PITPNB: variants seen among roughly 807,000 people sequenced by gnomAD.
PITPNB encodes the protein phosphatidylinositol transfer protein beta isoform.
In PITPNB, 16 loss-of-function variants were observed where a neutral mutation model predicts 45.9. The ratio of observed to expected loss-of-function variants is 0.35; its 90% CI spans 0.24 to 0.53. The LOEUF (loss-of-function observed/expected upper bound fraction) is 0.53. PITPNB is among the 20% of genes least tolerant of loss of function. The pLI, the probability that PITPNB is intolerant of heterozygous loss-of-function variation, is 0.93. For missense variants in PITPNB, 188 were observed against 330.5 expected (o/e 0.57, Z 3.34); for synonymous variants, 112 against 108.9 (o/e 1.03, Z -0.18).
chr22:27,902,921 A>G (rs1038640167), intron 3 of PITPNB, among the ~76,000 whole-genome samples: 3 of 152,114 alleles, frequency 2.0e-5, no homozygotes, highest in Non-Finnish European at 4.4e-5. Flanking sequence ...GGGTCGCAGT[A>G]TGTTTTGCTA....
intron 1 of PITPNB, among the ~76,000 whole-genome samples, chr22:27,918,164 TGAGACAGG>T (rs1322532161): frequency 2.0e-5 from 3 of 152,170 alleles, no homozygotes; most frequent in Non-Finnish European, 4.4e-5. Flanking sequence ...TTATTCTGGG[TGAGACAGG>T]GAGTCTTTGG....
intron 8 of PITPNB, among the ~76,000 whole-genome samples, chr22:27,869,594 G>A (rs1420857652): frequency 6.6e-6 from 1 of 151,944 alleles, no homozygotes; most frequent in Non-Finnish European, 1.5e-5. Context: ...CAGAATGAGG[G>A]GAACACATTC....
At chr22:27,905,078 T>A (rs1935717439) in intron 3 of PITPNB, among the ~76,000 whole-genome samples, 1 of 152,218 alleles carries the variant, frequency 6.6e-6, no homozygotes, top group Non-Finnish European at 1.5e-5. Flanking sequence ...TAATGACAAA[T>A]AACATGTGTC....
At chr22:27,882,246 A>T (rs918729478) in intron 7 of PITPNB, among the ~76,000 whole-genome samples, 2 of 152,192 alleles carry the variant, frequency 1.3e-5, no homozygotes, top group Non-Finnish European at 2.9e-5. Flanking sequence ...CCTTTTTTTT[A>T]AACAATATAC....
At chr22:27,913,151 TCAAA>T (rs1225500009) in intron 2 of PITPNB, among the ~76,000 whole-genome samples, 4 of 152,172 alleles carry the variant, frequency 2.6e-5, no homozygotes, top group Non-Finnish European at 5.9e-5. Context: ...ACATTCAACT[TCAAA>T]CAATCAATTG....
chr22:27,895,138 T>C (rs1935397800), intron 6 of PITPNB, among the ~76,000 whole-genome samples: 2 of 152,226 alleles, frequency 1.3e-5, no homozygotes, highest in South Asian at 4.1e-4. Flanking sequence ...TGATCAATCA[T>C]TTATTTCTGA....
intron 8 of PITPNB, 29 bp from the exon 9 acceptor site, chr22:27,860,270 T>C (rs1482294697): frequency 1.5e-6 from 2 of 1,314,626 alleles, no homozygotes; most frequent in Non-Finnish European, 2.2e-6. Context: ...AAAGGAGAAA[T>C]TATGACTTAA....
chr22:27,896,340 C>T (rs1160218142), intron 6 of PITPNB, among the ~76,000 whole-genome samples: 2 of 152,134 alleles, frequency 1.3e-5, no homozygotes, highest in Non-Finnish European at 2.9e-5. Flanking sequence ...AGTTGCTGAT[C>T]AAAACAGCAA....
chr22:27,866,717 GAC>G (rs2146357256), intron 8 of PITPNB, among the ~76,000 whole-genome samples: 2 of 152,260 alleles, frequency 1.3e-5, no homozygotes, highest in East Asian at 3.9e-4. Context: ...GCTTTGCAAA[GAC>G]ACAGCAGTTT....
intron 7 of PITPNB, among the ~76,000 whole-genome samples, chr22:27,877,714 C>T (rs910970031): frequency 2.6e-5 from 4 of 152,318 alleles, no homozygotes; most frequent in African/African-American, 9.6e-5. Context: ...CTAAATGTCC[C>T]TGAGCCCAGA....
rs1465461038 is a variant in PITPNB at position 27,851,762 on chromosome 22, T to A, written c.*1940A>T. On this transcript the variant is annotated 3_prime_UTR_variant, in exon 12 of 12. Coordinates refer to ENST00000335272, the MANE Select transcript of PITPNB (RefSeq NM_012399.5). ...AGAGACTGGCAAGTAAACTAGGTAT[T>A]TTACATTCACCACACATTCCCTCAA... 1 of 152,170 alleles carries A rather than the reference T, an allele frequency of 6.6e-6. No homozygotes were observed. The highest frequency in any genetic ancestry group is 1.5e-5 in the Non-Finnish European group (1 of 68,028). The allele number at this position is 152,170 out of a possible 1,614,324, so 9.4% of individuals were successfully genotyped here. A position where few individuals can be genotyped will look rare whatever the true frequency, so the allele number is the denominator to read the frequency against.
chr22:27,861,505 G>T (rs534150336), intron 8 of PITPNB, among the ~76,000 whole-genome samples: 15 of 152,244 alleles, frequency 9.9e-5, no homozygotes, highest in African/African-American at 3.6e-4. Context: ...TAAATATACA[G>T]GTCCACTTCC....
chr22:27,916,688 A>G (rs909311202), intron 1 of PITPNB, among the ~76,000 whole-genome samples: 1 of 152,104 alleles, frequency 6.6e-6, no homozygotes, highest in Non-Finnish European at 1.5e-5. Context: ...CTGTAGTCCC[A>G]GCTACTTGGG....
At chr22:27,909,512 A>G (rs1383426652) in intron 3 of PITPNB, among the ~76,000 whole-genome samples, 1 of 152,192 alleles carries the variant, frequency 6.6e-6, no homozygotes, top group African/African-American at 2.4e-5. Context: ...CAAGAAATTC[A>G]AATGGTCAAT....
In PITPNB at chr22:27,919,227, A is replaced by ACCGCCGCCG; in HGVS notation, c.-45_-37dup. On this transcript the variant is annotated 5_prime_UTR_variant, in exon 1 of 12. Transcript: ENST00000335272. ...CCCCCTCACAGCTGCCGCCGATACC[A>ACCGCCGCCG]CCGCCGCCGCCGCCGCTACCGCCTC... is the stretch of plus-strand genomic sequence containing the variant. 1.3e-6 allele frequency: 2 copies of ACCGCCGCCG among 1,569,358 alleles called. No homozygotes were observed. The highest frequency in any genetic ancestry group is 1.1e-5 in the South Asian group (1 of 90,014).
rs1555893372 is a variant in PITPNB at position 27,919,214 on chromosome 22, T to TGCCGCCGATACCACCGCC, written c.-41_-24dup. The TGCCGCCGATACCACCGCC allele has an allele frequency of 1.0e-4, 166 of 1,603,318 alleles. 1 individual carries two copies. Among genetic ancestry groups the TGCCGCCGATACCACCGCC allele is most frequent in the Non-Finnish European group, 1.3e-4 (152 of 1,171,980 alleles). On this transcript the variant is annotated 5_prime_UTR_variant, in exon 1 of 12. Transcript: ENST00000335272. The stretch of plus-strand genomic sequence containing the variant: ...CATCTTCCCGGAACCCCCTCACAGC[T>TGCCGCCGATACCACCGCC]GCCGCCGATACCACCGCCGCCGCCG...
chr22:27,898,211 A>G (rs550814309), intron 3 of PITPNB: 3 of 272,684 alleles, frequency 1.1e-5, no homozygotes, highest in African/African-American at 4.5e-5. Flanking sequence ...CCCTGTCTCT[A>G]CAAAAAATAT....
At chr22:27,863,127 G>C (rs932446960) in intron 8 of PITPNB, among the ~76,000 whole-genome samples, 1 of 152,166 alleles carries the variant, frequency 6.6e-6, no homozygotes, top group African/African-American at 2.4e-5. Context: ...GGTATATGTA[G>C]AATATGGCAC....
At chr22:27,894,424 T>A in intron 7 of PITPNB, 131 bp downstream of exon 7, 1 of 600,524 alleles carries the variant, frequency 1.7e-6, no homozygotes, top group Non-Finnish European at 3.0e-6. Flanking sequence ...CCAAGCTCAC[T>A]TCGGCATAGA....
Sources: allele counts gnomAD v4.1 joint callset (sites outside exome capture counted in the v4.1 genomes callset), GRCh38; gene constraint gnomAD v4.1.1; transcripts MANE v1.5; gene names NCBI Gene and HGNC (gene_info 2026-07-23, HGNC 2026-07-21).